The following WWC2 variants were observed in gnomAD, a reference collection of about 807,000 sequenced individuals.
WWC2 encodes WW and C2 domain containing 2, also known as protein WWC2.
Under a neutral mutation model 138.5 loss-of-function variants are expected in WWC2, and 101 were observed. That is an observed-to-expected ratio of 0.73 (90% CI 0.62 to 0.86). The LOEUF (loss-of-function observed/expected upper bound fraction) is 0.86. Among genes scored for constraint, WWC2 ranks in the 40% least tolerant of loss-of-function variants. The pLI is 0.00. For missense variants in WWC2, 1,420 were observed against 1,419.4 expected, an observed-to-expected ratio of 1.00 and a Z score of -0.01; for synonymous variants, 558 against 538.4, an observed-to-expected ratio of 1.04 and a Z score of -0.50.
In WWC2 at chr4:183,114,047, G is replaced by T. The variant is rs571338163; in HGVS notation, c.131+14425G>T. Among the ~76,000 whole-genome samples the T allele has an allele frequency of 2.8e-4, 42 of 152,254 alleles. 1 individual carries two copies. The South Asian group carries it at 8.5e-3, about 31-fold the overall frequency. The stretch of plus-strand genomic sequence containing the variant: ...CCAAAGTTCTGTTTCCGATGTATAG[G>T]TGTGATAGAGTTTGAATATGTGTCC... On this transcript the variant is annotated intron_variant, in intron 1 of 22. Coordinates refer to ENST00000403733, the MANE Select transcript of WWC2 (RefSeq NM_024949.6).
At chr4:183,255,877 C>CTTTTT (rs551883972) in intron 9 of WWC2, among the ~76,000 whole-genome samples, 3,329 of 140,700 alleles carry the variant, frequency 0.024, 136 homozygotes, top group African/African-American at 0.084. Flanking sequence ...GCTTTTTTTC[C>CTTTTT]TTTTTTTTTT....
intron 11 of WWC2, among the ~76,000 whole-genome samples, chr4:183,262,622 T>C (rs368653339): frequency 5.9e-5 from 9 of 152,286 alleles, no homozygotes; most frequent in South Asian, 2.1e-4. Context: ...TTGTGCGCCC[T>C]CTCCTGGGGA....
chr4:183,215,946 T>A (rs772373515), intron 4 of WWC2, among the ~76,000 whole-genome samples: 1 of 152,192 alleles, frequency 6.6e-6, no homozygotes, highest in Non-Finnish European at 1.5e-5. Context: ...TCATAAATGA[T>A]CTATTTTAAA....
At chr4:183,155,238 T>A (rs1197528906) in intron 1 of WWC2, among the ~76,000 whole-genome samples, 1 of 140,166 alleles carries the variant, frequency 7.1e-6, no homozygotes, top group East Asian at 2.0e-4. Flanking sequence ...GTTGACGTGG[T>A]GAGGACAGGC....
Position 183,281,215 on chromosome 4 carries a change from A to G in WWC2, c.2684+318A>G, listed in dbSNP as rs115463436. On this transcript the variant is annotated intron_variant, in intron 17 of 22. Coordinates refer to ENST00000403733, the MANE Select transcript of WWC2 (RefSeq NM_024949.6). Reference sequence around the variant, plus strand: ...ATGGTAGCTTATTGTAGAGTTATAGATAATTTTAAAAGTGACTCTATTTTT... The same window carrying G: ...ATGGTAGCTTATTGTAGAGTTATAGGTAATTTTAAAAGTGACTCTATTTTT... 3.2e-3 allele frequency: 1,230 copies of G among 386,816 alleles called. 13 individuals are homozygous for G. Among genetic ancestry groups the G allele is most frequent in the African/African-American group, 0.023 (1,101 of 48,222 alleles). 24.0% of individuals were successfully genotyped at this position (386,816 alleles called of 1,614,324 possible).
At chr4:183,242,242 C>A (rs371020671) in intron 5 of WWC2, among the ~76,000 whole-genome samples, 85 of 152,240 alleles carry the variant, frequency 5.6e-4, no homozygotes, top group African/African-American at 1.9e-3. Context: ...TTTTAAGAAA[C>A]CACATTCTTG....
At chr4:183,288,715 G>T (rs188417783) in intron 20 of WWC2, among the ~76,000 whole-genome samples, 4 of 152,182 alleles carry the variant, frequency 2.6e-5, no homozygotes, top group Non-Finnish European at 5.9e-5. Context: ...TGATGAATAG[G>T]TTAAGATTGC....
chr4:183,299,605 G>A (rs529846033), intron 21 of WWC2, among the ~76,000 whole-genome samples: 1 of 152,148 alleles, frequency 6.6e-6, no homozygotes, highest in South Asian at 2.1e-4. Context: ...TTTCATTATA[G>A]CGACAGAAAC....
chr4:183,232,376 C>T (rs1360824848), intron 4 of WWC2, among the ~76,000 whole-genome samples: 1 of 151,938 alleles, frequency 6.6e-6, no homozygotes, highest in East Asian at 1.9e-4. Context: ...ACATTTTTGC[C>T]CTGCCCCCAG....
At chr4:183,300,768 C>A in intron 21 of WWC2, among the ~76,000 whole-genome samples, 1 of 150,142 alleles carries the variant, frequency 6.7e-6, no homozygotes, top group Non-Finnish European at 1.5e-5. Context: ...TTTTATAAAA[C>A]AAAGCCAAGT....
At chr4:183,148,062 C>T (rs1391765323) in intron 1 of WWC2, among the ~76,000 whole-genome samples, 1 of 152,088 alleles carries the variant, frequency 6.6e-6, no homozygotes, top group Non-Finnish European at 1.5e-5. Context: ...CTCATTAAAG[C>T]CAACCTTATA....
intron 4 of WWC2, among the ~76,000 whole-genome samples, chr4:183,219,829 C>T (rs1443129539): frequency 6.6e-6 from 1 of 152,132 alleles, no homozygotes; most frequent in African/African-American, 2.4e-5. Context: ...CCCTCCCCCA[C>T]CTTTCCTAGT....
At chr4:183,115,105 A>T (rs920618972) in intron 1 of WWC2, among the ~76,000 whole-genome samples, 3 of 152,182 alleles carry the variant, frequency 2.0e-5, no homozygotes, top group African/African-American at 7.2e-5. Context: ...GTTCCCACTT[A>T]TAAGTGAGAA....
chr4:183,296,488 C>T (rs889977087), intron 21 of WWC2, among the ~76,000 whole-genome samples: 1 of 152,138 alleles, frequency 6.6e-6, no homozygotes, highest in Non-Finnish European at 1.5e-5. Context: ...AAAAGAGTGA[C>T]ACTTTAGAAC....
intron 21 of WWC2, among the ~76,000 whole-genome samples, chr4:183,306,882 A>AAAAAAAAAAAAAC (rs1491541139): frequency 1.6e-5 from 1 of 61,608 alleles, no homozygotes; most frequent in Non-Finnish European, 3.6e-5. Context: ...TATATGAGGC[A>AAAAAAAAAAAAAC]AAAAAAAAAA....
At position 183,222,596 on chromosome 4, in the gene WWC2, G is replaced by A. The variant is rs114187834; in HGVS notation, c.522+13571G>A. On this transcript the variant is annotated intron_variant, in intron 4 of 22. Transcript: ENST00000403733. The stretch of plus-strand genomic sequence containing the variant: ...TGCAATATCAAAATCCTAATTTGGG[G>A]ATGTAGGAGGGGGAACAAGAGAGAA... 8.1e-3 allele frequency among the ~76,000 whole-genome samples: 1,234 copies of A among 152,172 alleles called. 15 individuals are homozygous for A. The highest frequency in any genetic ancestry group is 0.029 in the African/African-American group (1,184 of 41,520).
At chr4:183,183,302 A>G (rs1055852506) in intron 1 of WWC2, among the ~76,000 whole-genome samples, 2 of 152,130 alleles carry the variant, frequency 1.3e-5, no homozygotes, top group South Asian at 4.1e-4. Context: ...GGTATTAAGC[A>G]CAGCATGCAT....
At chr4:183,139,871 G>A (rs1344645748) in intron 1 of WWC2, among the ~76,000 whole-genome samples, 1 of 152,176 alleles carries the variant, frequency 6.6e-6, no homozygotes, top group African/African-American at 2.4e-5. Flanking sequence ...GGAGTGCAGT[G>A]GTGTGATCTC....
At chr4:183,133,763 G>T (rs1484873302) in intron 1 of WWC2, among the ~76,000 whole-genome samples, 2 of 152,164 alleles carry the variant, frequency 1.3e-5, no homozygotes, top group East Asian at 3.9e-4. Context: ...CCAAAGTGCT[G>T]GGATTACAGG....
Sources: allele counts gnomAD v4.1 joint callset (sites outside exome capture counted in the v4.1 genomes callset), GRCh38; gene constraint gnomAD v4.1.1; transcripts MANE v1.5; gene names NCBI Gene and HGNC (gene_info 2026-07-23, HGNC 2026-07-21).